MDGA2: variants seen among roughly 807,000 people sequenced by gnomAD.
MDGA2 encodes the protein MAM domain containing glycosylphosphatidylinositol anchor 2.
MDGA2 carries 40 observed loss-of-function variants against 117.8 expected under a neutral mutation model. The ratio of observed to expected loss-of-function variants is 0.34; its 90% CI spans 0.26 to 0.44. The LOEUF is 0.44. Among genes scored for constraint, MDGA2 ranks in the 20% least tolerant of loss-of-function variants. MDGA2 has a pLI of 1.00. For synonymous variants in MDGA2, 452 were observed against 439.0 expected (o/e 1.03, Z -0.37); for missense variants, 1,123 against 1,250.6 (o/e 0.90, Z 1.54).
intron 10 of MDGA2, among the ~76,000 whole-genome samples, chr14:46,906,284 AAAT>A (rs146392453): frequency 7.9e-5 from 12 of 151,058 alleles, no homozygotes; most frequent in South Asian, 2.1e-4. Context: ...TGAGTCCTTA[AAAT>A]AATAATAATA....
chr14:47,471,167 A>G (rs139487203), intron 1 of MDGA2, among the ~76,000 whole-genome samples: 1,533 of 152,086 alleles, frequency 0.01, 20 homozygotes, highest in Middle Eastern at 0.024. Flanking sequence ...GGTACGTGGT[A>G]GATGGCTGTT....
At chr14:46,849,858 T>G (rs1338871821) in intron 15 of MDGA2, among the ~76,000 whole-genome samples, 1 of 151,816 alleles carries the variant, frequency 6.6e-6, no homozygotes, top group Non-Finnish European at 1.5e-5. Context: ...CGTTTCCTCT[T>G]CAGTACTTCT....
chr14:47,369,022 C>T (rs1221102773), intron 1 of MDGA2, among the ~76,000 whole-genome samples: 1 of 151,776 alleles, frequency 6.6e-6, no homozygotes, highest in Non-Finnish European at 1.5e-5. Flanking sequence ...ACAAAAATTA[C>T]AAAATAAATG....
chr14:47,375,865 C>A (rs746269609), intron 1 of MDGA2, among the ~76,000 whole-genome samples: 10 of 151,996 alleles, frequency 6.6e-5, no homozygotes, highest in Admixed American at 1.3e-4. Context: ...ATATTTTACC[C>A]ACAGCTGCCC....
intron 1 of MDGA2, among the ~76,000 whole-genome samples, chr14:47,674,291 C>T (rs1451232472): frequency 1.3e-5 from 2 of 152,222 alleles, no homozygotes; most frequent in African/African-American, 2.4e-5. Context: ...TGCGTTGCTG[C>T]CGGCTAAACC....
rs532429879 is a variant in MDGA2 at position 47,612,597 on chromosome 14, C to T, written c.280+61920G>A. Among the ~76,000 whole-genome samples the T allele has an allele frequency of 1.3e-3, 200 of 152,174 alleles. 1 individual carries two copies. Among genetic ancestry groups the T allele is most frequent in the African/African-American group, 4.5e-3 (185 of 41,544 alleles). On this transcript the variant is annotated intron_variant, in intron 1 of 16. Coordinates refer to ENST00000399232, the MANE Select transcript of MDGA2 (RefSeq NM_001113498.3). ...TCAACTTCTCAAACAGCATTTATAA[C>T]GTAATTTTTTAAATTACTGGCTATG...
chr14:47,097,674 C>T (rs1055364536), intron 5 of MDGA2, among the ~76,000 whole-genome samples: 1 of 151,944 alleles, frequency 6.6e-6, no homozygotes, highest in African/African-American at 2.4e-5. Flanking sequence ...AAAATAAAAT[C>T]ATCTAATTCT....
At chr14:47,561,163 G>GTTTTTTTTTT (rs1309865250) in intron 1 of MDGA2, among the ~76,000 whole-genome samples, 10 of 83,876 alleles carry the variant, frequency 1.2e-4, no homozygotes, top group Admixed American at 1.3e-4. Context: ...GTTTTGTTTT[G>GTTTTTTTTTT]TTTTTTTGTT....
At chr14:47,485,469 T>G (rs1894040663) in intron 1 of MDGA2, among the ~76,000 whole-genome samples, 1 of 152,126 alleles carries the variant, frequency 6.6e-6, no homozygotes, top group African/African-American at 2.4e-5. Context: ...AGCCTAACAA[T>G]GCAATAGGAA....
intron 5 of MDGA2, among the ~76,000 whole-genome samples, chr14:47,123,935 CA>C (rs923598658): frequency 1.3e-5 from 2 of 151,830 alleles, no homozygotes; most frequent in Non-Finnish European, 2.9e-5. Flanking sequence ...ATTTCAGAAC[CA>C]AAATTTAAAC....
intron 8 of MDGA2, among the ~76,000 whole-genome samples, chr14:47,009,287 T>A (rs1177177372): frequency 6.6e-6 from 1 of 152,088 alleles, no homozygotes; most frequent in Non-Finnish European, 1.5e-5. Flanking sequence ...ATACAGTGAT[T>A]AGATGTTCTA....
At chr14:47,438,102 T>C (rs1892933361) in intron 1 of MDGA2, among the ~76,000 whole-genome samples, 1 of 152,162 alleles carries the variant, frequency 6.6e-6, no homozygotes, top group Admixed American at 6.6e-5. Context: ...CATTAGGGTA[T>C]GATTCAGAAA....
At chr14:47,504,904 A>T (rs1273868374) in intron 1 of MDGA2, among the ~76,000 whole-genome samples, 1 of 152,180 alleles carries the variant, frequency 6.6e-6, no homozygotes, top group African/African-American at 2.4e-5. Flanking sequence ...CCCATGGTTC[A>T]TTCAGTATTA....
chr14:47,138,742 T>C (rs1882575675), intron 4 of MDGA2, among the ~76,000 whole-genome samples: 1 of 152,108 alleles, frequency 6.6e-6, no homozygotes, highest in Admixed American at 6.6e-5. Context: ...AACTAAAGTC[T>C]GTCAATTTAG....
chr14:47,069,267 T>C (rs962964321), intron 6 of MDGA2, among the ~76,000 whole-genome samples: 14 of 152,234 alleles, frequency 9.2e-5, no homozygotes, highest in African/African-American at 3.4e-4. Flanking sequence ...TTCCCATTCA[T>C]GTTTGTATTA....
rs139465440 is a variant in MDGA2, at chr14:47,406,539, C to A, written c.281-104989G>T. Among the ~76,000 whole-genome samples the A allele has an allele frequency of 7.2e-5, 11 of 152,046 alleles. 1 individual carries two copies. In the East Asian group the frequency reaches 1.9e-3, roughly 27 times the overall value. On this transcript the variant is annotated intron_variant, in intron 1 of 16. Transcript: ENST00000399232. ...ATAAAGAGAGAAAACATGACATATCCTAGTATTTACATCCTATTAATTTTC... is the reference window on the plus strand; with the variant it reads ...ATAAAGAGAGAAAACATGACATATCATAGTATTTACATCCTATTAATTTTC...
chr14:47,413,732 G>A (rs1239870478), intron 1 of MDGA2, among the ~76,000 whole-genome samples: 2 of 147,414 alleles, frequency 1.4e-5, no homozygotes, highest in Admixed American at 1.4e-4. Flanking sequence ...CTGGACATTT[G>A]TTTAATCCCT....
At chr14:46,978,480 G>A (rs1886550478) in intron 8 of MDGA2, among the ~76,000 whole-genome samples, 1 of 152,034 alleles carries the variant, frequency 6.6e-6, no homozygotes, top group African/African-American at 2.4e-5. Flanking sequence ...AGGCATTATA[G>A]TGGATGCTCT....
intron 5 of MDGA2, among the ~76,000 whole-genome samples, chr14:47,110,450 T>C (rs1310356414): frequency 6.6e-6 from 1 of 152,172 alleles, no homozygotes; most frequent in East Asian, 1.9e-4. Flanking sequence ...ATTTCATAGC[T>C]ATAGTTTTTA....
Sources: gnomAD v4.1 joint callset for allele counts (sites outside exome capture counted in the v4.1 genomes callset) on GRCh38, gnomAD v4.1.1 for gene constraint, MANE v1.5 for transcripts, NCBI Gene and HGNC (gene_info 2026-07-23, HGNC 2026-07-21) for gene names.